RBFOX2: variants seen among roughly 807,000 people sequenced by gnomAD.
The protein encoded by RBFOX2 is RNA binding protein fox-1 homolog 2.
RBFOX2 carries 10 observed loss-of-function variants against 49.1 expected under a neutral mutation model. The ratio of observed to expected loss-of-function variants is 0.20; its 90% confidence interval spans 0.13 to 0.35. The LOEUF is 0.35. Ranked by LOEUF, RBFOX2 falls within the 10% of genes least tolerant of loss-of-function variation. The pLI is 1.00. For missense variants in RBFOX2, 323 were observed against 486.9 expected (o/e 0.66, Z 3.17); for synonymous variants, 183 against 187.4 (o/e 0.98, Z 0.19).
At chr22:35,849,298 A>AACACACACACACACACACACACACACAC (rs61515031) in intron 1 of RBFOX2, among the ~76,000 whole-genome samples, 8 of 133,196 alleles carry the variant, frequency 6.0e-5, no homozygotes, top group Admixed American at 1.5e-4. Context: ...TACACACACA[A>AACACACACACACACACACACACACACAC]ACACACACAC....
chr22:35,753,495 A>G (rs765782808), intron 9 of RBFOX2, among the ~76,000 whole-genome samples: 1 of 152,184 alleles, frequency 6.6e-6, no homozygotes, highest in Non-Finnish European at 1.5e-5. Context: ...CTGCTTTAAG[A>G]TAAGAACTAA....
At chr22:35,911,666 C>A (rs2049846539) in intron 1 of RBFOX2, among the ~76,000 whole-genome samples, 1 of 152,186 alleles carries the variant, frequency 6.6e-6, no homozygotes, top group Admixed American at 6.5e-5. Flanking sequence ...TCGTTACACT[C>A]CTCACTTAAA....
At chr22:35,923,709 C>G (rs966790210) in intron 1 of RBFOX2, among the ~76,000 whole-genome samples, 14 of 152,034 alleles carry the variant, frequency 9.2e-5, no homozygotes, top group Non-Finnish European at 1.6e-4. Context: ...GATTAAAACC[C>G]TTCCCCCCCA....
intron 1 of RBFOX2, among the ~76,000 whole-genome samples, chr22:35,892,146 A>G (rs2047318934): frequency 6.6e-6 from 1 of 152,226 alleles, no homozygotes; most frequent in Non-Finnish European, 1.5e-5. Context: ...CACTATGTTA[A>G]GTATATTCAT....
chr22:35,946,116 G>A (rs2054250799), intron 1 of RBFOX2, among the ~76,000 whole-genome samples: 1 of 152,038 alleles, frequency 6.6e-6, no homozygotes, highest in Non-Finnish European at 1.5e-5. Context: ...TTCTTCAATA[G>A]TGGTCGCAGG....
intron 1 of RBFOX2, among the ~76,000 whole-genome samples, chr22:35,838,582 A>C (rs1958127584): frequency 6.6e-6 from 1 of 152,164 alleles, no homozygotes. Context: ...CTAGCGGTTT[A>C]CTTGGACCTC....
intron 6 of RBFOX2, among the ~76,000 whole-genome samples, chr22:35,762,869 T>C (rs908206216): frequency 2.6e-5 from 4 of 152,214 alleles, no homozygotes; most frequent in Non-Finnish European, 5.9e-5. Flanking sequence ...AGCAAGACAT[T>C]ATTCAAGTGA....
At chr22:35,830,025 A>G (rs1956494150) in intron 1 of RBFOX2, among the ~76,000 whole-genome samples, 1 of 152,228 alleles carries the variant, frequency 6.6e-6, no homozygotes, top group South Asian at 2.1e-4. Context: ...CATGTAAAGC[A>G]TCTATTTCCC....
At chr22:35,896,647 A>G (rs1276180714) in intron 1 of RBFOX2, among the ~76,000 whole-genome samples, 2 of 152,136 alleles carry the variant, frequency 1.3e-5, no homozygotes, top group African/African-American at 4.8e-5. Flanking sequence ...TTTCTTTCAC[A>G]CTGAACGCAT....
At chr22:35,774,792 A>G (rs1285355372) in intron 4 of RBFOX2, among the ~76,000 whole-genome samples, 1 of 152,206 alleles carries the variant, frequency 6.6e-6, no homozygotes, top group Non-Finnish European at 1.5e-5. Flanking sequence ...ATGTTTTCAA[A>G]TGGGTATATC....
chr22:36,001,344 A>C (rs938375181), intron 1 of RBFOX2, among the ~76,000 whole-genome samples: 1 of 152,206 alleles, frequency 6.6e-6, no homozygotes. Context: ...TACTTTCATT[A>C]ATTTATAAAA....
chr22:35,985,880 CTAGATAGATAGATAGATAGATGGATAGA>C (rs1366363889), intron 1 of RBFOX2, among the ~76,000 whole-genome samples: 27 of 146,856 alleles, frequency 1.8e-4, no homozygotes, highest in East Asian at 1.6e-3. Context: ...GACTCCATCT[CTAGATAGATAGATAGATAGATGGATAGA>C]TAGATAGATA....
At chr22:35,812,433 G>C (rs934990496) in intron 1 of RBFOX2, among the ~76,000 whole-genome samples, 6 of 151,862 alleles carry the variant, frequency 4.0e-5, no homozygotes, top group Non-Finnish European at 4.4e-5. Flanking sequence ...AGCTATTCTG[G>C]GCATCTGACG....
At chr22:35,843,673 C>T (rs530297445), upstream of RBFOX2, among the ~76,000 whole-genome samples, 54 of 152,294 alleles carry the variant, frequency 3.5e-4, no homozygotes, top group African/African-American at 1.2e-3. Flanking sequence ...TTTCCCTGTT[C>T]ACCCTCTTCT....
At chr22:35,898,368 G>A (rs1206812722) in intron 1 of RBFOX2, 1 of 647,924 alleles carries the variant, frequency 1.5e-6, no homozygotes. Flanking sequence ...GACATTGGCA[G>A]GGCCCAGACA....
intron 1 of RBFOX2, among the ~76,000 whole-genome samples, chr22:36,017,151 T>C (rs1447671799): frequency 6.6e-6 from 1 of 152,226 alleles, no homozygotes; most frequent in Non-Finnish European, 1.5e-5. Flanking sequence ...GACTTCCTTA[T>C]TTTCAAACAT....
intron 1 of RBFOX2, among the ~76,000 whole-genome samples, chr22:35,938,434 G>A (rs1437131346): frequency 6.6e-6 from 1 of 152,114 alleles, no homozygotes; most frequent in Admixed American, 6.5e-5. Flanking sequence ...AATTCCCCCA[G>A]GGAGGAGAAT....
At chr22:35,973,225 C>T (rs1438752657) in intron 1 of RBFOX2, among the ~76,000 whole-genome samples, 2 of 152,216 alleles carry the variant, frequency 1.3e-5, no homozygotes, top group Non-Finnish European at 2.9e-5. Context: ...TGACAGTCTA[C>T]ACCTTTTTAG....
intron 1 of RBFOX2, among the ~76,000 whole-genome samples, chr22:35,855,556 T>A (rs758497109): frequency 7.2e-5 from 11 of 152,060 alleles, no homozygotes; most frequent in Middle Eastern, 6.3e-3. Context: ...CAGGCGCATG[T>A]CATGGCTCCT....
Sources: allele counts gnomAD v4.1 joint callset (sites outside exome capture counted in the v4.1 genomes callset), GRCh38; gene constraint gnomAD v4.1.1; transcripts MANE v1.5; gene names NCBI Gene and HGNC (gene_info 2026-07-23, HGNC 2026-07-21).